The following MAGED1 variants were observed in gnomAD, a reference collection of about 807,000 sequenced individuals.
MAGED1 encodes the protein MAGE family member D1, also known as melanoma-associated antigen D1.
In MAGED1, 3 loss-of-function variants were observed where a neutral mutation model predicts 54.1. The observed-to-expected ratio is 0.06, with a 90% CI of 0.03 to 0.14. The LOEUF (loss-of-function observed/expected upper bound fraction) is 0.14, where lower values mean the gene tolerates loss of function less well. MAGED1 is among the 10% of genes least tolerant of loss of function. The probability of loss-of-function intolerance (pLI) is 1.00; values close to 1 mark genes in which losing one functional copy is unlikely to be tolerated. For missense variants in MAGED1, 485 were observed against 623.4 expected, an observed-to-expected ratio of 0.78 and a Z score of 2.36; for synonymous variants, 217 against 227.3, an observed-to-expected ratio of 0.95 and a Z score of 0.41.
intron 1 of MAGED1, among the ~76,000 whole-genome samples, chrX:51,873,624 A>G (rs1252037133): frequency 9.1e-6 from 1 of 109,792 alleles, no homozygotes; most frequent in East Asian, 2.9e-4. Flanking sequence ...GATATGAGTA[A>G]CAAGGACCTA....
intron 1 of MAGED1, among the ~76,000 whole-genome samples, chrX:51,860,417 G>A (rs188377960): frequency 8.7e-4 from 97 of 111,447 alleles, no homozygotes; most frequent in African/African-American, 3.0e-3. Context: ...CAATAAATTT[G>A]GAACTTGGTC....
chrX:51,894,413 C>A (rs1328381118), intron 2 of MAGED1, 64 bp downstream of exon 2: 153 of 1,047,692 alleles, frequency 1.5e-4, no homozygotes, highest in Non-Finnish European at 1.9e-4. Flanking sequence ...CCGCGGGCCT[C>A]TTTGGTCTCC....
intron 1 of MAGED1, among the ~76,000 whole-genome samples, chrX:51,845,182 C>T (rs1351645891): frequency 9.0e-6 from 1 of 111,456 alleles, no homozygotes; most frequent in Non-Finnish European, 1.9e-5. Context: ...ACCCAGGAGG[C>T]GGAGGTTGCA....
intron 1 of MAGED1, among the ~76,000 whole-genome samples, chrX:51,881,168 C>G (rs1928036960): frequency 9.0e-6 from 1 of 111,062 alleles, no homozygotes; most frequent in South Asian, 3.9e-4. Context: ...ACCGAGGAAG[C>G]AAGCTTTCTC....
At chrX:51,866,507 A>G (rs989956542) in intron 1 of MAGED1, among the ~76,000 whole-genome samples, 11 of 111,910 alleles carry the variant, frequency 9.8e-5, no homozygotes, top group African/African-American at 3.2e-4. Flanking sequence ...TTGGACACAA[A>G]TTGCACTCTG....
intron 1 of MAGED1, among the ~76,000 whole-genome samples, chrX:51,804,915 G>A (rs1365962278): frequency 1.8e-5 from 2 of 111,396 alleles, no homozygotes; most frequent in Admixed American, 9.5e-5. Flanking sequence ...TGTTCACTCT[G>A]TTTCCTAACC....
intron 1 of MAGED1, among the ~76,000 whole-genome samples, chrX:51,880,275 C>G (rs958358267): frequency 8.9e-6 from 1 of 112,187 alleles, no homozygotes; most frequent in East Asian, 2.8e-4. Flanking sequence ...CACTCAACAG[C>G]TACCTGCTTG....
intron 1 of MAGED1, among the ~76,000 whole-genome samples, chrX:51,822,249 T>C: frequency 8.9e-6 from 1 of 112,238 alleles, no homozygotes; most frequent in Non-Finnish European, 1.9e-5. Flanking sequence ...CTTTATCTTA[T>C]CTATTTCTTC....
chrX:51,851,496 G>A (rs1407359501), intron 1 of MAGED1, among the ~76,000 whole-genome samples: 1 of 111,050 alleles, frequency 9.0e-6, no homozygotes, highest in African/African-American at 3.3e-5. Flanking sequence ...TATACATAAT[G>A]TACCTGTAAA....
At chrX:51,863,883 G>T (rs1557360877) in intron 1 of MAGED1, among the ~76,000 whole-genome samples, 1 of 109,811 alleles carries the variant, frequency 9.1e-6, no homozygotes, top group Non-Finnish European at 1.9e-5. Flanking sequence ...TATATATTTT[G>T]TATATTAACC....
intron 1 of MAGED1, among the ~76,000 whole-genome samples, chrX:51,806,787 A>G (rs1925050212): frequency 1.8e-5 from 1 of 55,316 alleles, no homozygotes; most frequent in Non-Finnish European, 3.3e-5. Flanking sequence ...GACTCCTAAC[A>G]TAATTTTTTT....
chrX:51,864,042 T>G (rs1557360890), intron 1 of MAGED1, among the ~76,000 whole-genome samples: 2 of 111,384 alleles, frequency 1.8e-5, no homozygotes, highest in Admixed American at 9.6e-5. Flanking sequence ...GCCTTTTTGG[T>G]GTAATAACAA....
At chrX:51,807,411 T>C (rs375437852) in intron 1 of MAGED1, among the ~76,000 whole-genome samples, 2 of 111,589 alleles carry the variant, frequency 1.8e-5, no homozygotes, top group East Asian at 5.6e-4. Context: ...TGGTGTCTTT[T>C]GATGAACTGA....
intron 1 of MAGED1, among the ~76,000 whole-genome samples, chrX:51,870,326 G>A (rs782270540): frequency 8.9e-5 from 10 of 112,155 alleles, no homozygotes; most frequent in Non-Finnish European, 1.7e-4. Context: ...TTTTGCACAA[G>A]TAGTTTGAAA....
chrX:51,826,821 A>G (rs1174603382), intron 1 of MAGED1, among the ~76,000 whole-genome samples: 3 of 112,466 alleles, frequency 2.7e-5, no homozygotes, highest in African/African-American at 9.7e-5. Flanking sequence ...ACAGTTTGAC[A>G]GTTTCTTACA....
chrX:51,900,101 A>T (rs1797586672), intron 10 of MAGED1, 81 bp from the exon 11 acceptor site: 8 of 632,556 alleles, frequency 1.3e-5, no homozygotes. Flanking sequence ...GAAATCTGTT[A>T]AAAAATGTAA....
chrX:51,851,648 T>C (rs975263158), intron 1 of MAGED1, among the ~76,000 whole-genome samples: 2 of 108,900 alleles, frequency 1.8e-5, no homozygotes, highest in Non-Finnish European at 3.8e-5. Context: ...TCTTGTGATG[T>C]TGAGAGATGA....
intron 1 of MAGED1, among the ~76,000 whole-genome samples, chrX:51,815,142 CA>C (rs1214745697): frequency 8.2e-5 from 8 of 97,385 alleles, no homozygotes; most frequent in African/African-American, 1.1e-4. Flanking sequence ...GACCCTGTCT[CA>C]AAAAAAAAAG....
chrX:51,844,960 G>A (rs1926629704), intron 1 of MAGED1, among the ~76,000 whole-genome samples: 2 of 111,527 alleles, frequency 1.8e-5, no homozygotes, highest in Admixed American at 9.5e-5. Flanking sequence ...TAGGCTGGGC[G>A]TGGTGGCACA....
Sources: allele counts gnomAD v4.1 joint callset (sites outside exome capture counted in the v4.1 genomes callset), GRCh38; gene constraint gnomAD v4.1.1; transcripts MANE v1.5; gene names NCBI Gene and HGNC (gene_info 2026-07-23, HGNC 2026-07-21).